The following EFHB variants were observed in gnomAD, a reference collection of about 807,000 sequenced individuals.
The protein encoded by EFHB is EF-hand domain family member B, also known as EF-hand domain-containing family member B.
In EFHB, 91 loss-of-function variants were observed where a neutral mutation model predicts 87.2. The observed-to-expected ratio is 1.04, with a 90% CI of 0.88 to 1.24. The LOEUF is 1.24. Among genes scored for constraint, EFHB ranks in the 50% most tolerant of loss-of-function variants. The pLI is 0.00. For missense variants in EFHB, 1,084 were observed against 998.8 expected, an observed-to-expected ratio of 1.09 and a Z score of -1.15; for synonymous variants, 325 against 333.6, an observed-to-expected ratio of 0.97 and a Z score of 0.28.
intron 9 of EFHB, among the ~76,000 whole-genome samples, chr3:19,895,287 C>T (rs546496884): frequency 1.8e-4 from 27 of 151,684 alleles, no homozygotes; most frequent in African/African-American, 6.5e-4. Flanking sequence ...CGAGACCATC[C>T]TGGCTAACAC....
chr3:19,885,152 G>T lies in EFHB; in HGVS notation c.1934-537C>A, dbSNP rs147321841. On this transcript the variant is annotated intron_variant, in intron 10 of 12. Transcript: ENST00000295824. Reference sequence around the variant, plus strand: ...CAGGAGAATCACTTGAATCAGGGAGGCAATGGTTGCAGTGAGCCGAGATCG... The same window carrying T: ...CAGGAGAATCACTTGAATCAGGGAGTCAATGGTTGCAGTGAGCCGAGATCG... Among the ~76,000 whole-genome samples the T allele has an allele frequency of 2.4e-4, 37 of 151,376 alleles. No homozygotes were observed. In the East Asian group the frequency reaches 6.4e-3, roughly 26 times the overall value.
At chr3:19,929,156 C>T (rs1695736100) in intron 1 of EFHB, among the ~76,000 whole-genome samples, 1 of 151,836 alleles carries the variant, frequency 6.6e-6, no homozygotes, top group African/African-American at 2.4e-5. Context: ...TCTGCTGAAA[C>T]TCTATCCTTA....
At chr3:19,936,486 C>A (rs1411969652), upstream of EFHB, among the ~76,000 whole-genome samples, 1 of 151,928 alleles carries the variant, frequency 6.6e-6, no homozygotes, top group Non-Finnish European at 1.5e-5. Flanking sequence ...ATCACTTGAG[C>A]CCAGGAATTG....
intron 6 of EFHB, among the ~76,000 whole-genome samples, chr3:19,900,455 A>G (rs1694632801): frequency 6.6e-6 from 1 of 152,202 alleles, no homozygotes; most frequent in Non-Finnish European, 1.5e-5. Flanking sequence ...ATGGAGAGAG[A>G]AAGAATATCT....
chr3:19,926,819 C>T (rs1476071280), intron 1 of EFHB, among the ~76,000 whole-genome samples: 3 of 151,878 alleles, frequency 2.0e-5, no homozygotes, highest in African/African-American at 4.8e-5. Flanking sequence ...TGTCACCACA[C>T]CCGGCTAATT....
Position 19,942,665 on chromosome 3 carries a change from G to C in EFHB, c.-32+4254C>G, listed in dbSNP as rs373364438. Among the ~76,000 whole-genome samples, 64 of 152,278 alleles carry C rather than the reference G, an allele frequency of 4.2e-4. 1 individual carries two copies. Among genetic ancestry groups the C allele is most frequent in the African/African-American group, 1.5e-3 (62 of 41,552 alleles). On this transcript the variant is annotated intron_variant, in intron 1 of 14. Transcript: ENST00000344838. ...CCCTGAACTTGTTTTCCTGCCACTA[G>C]ACGGTCCCATCTGGAGGTGATGGAA... is the stretch of plus-strand genomic sequence containing the variant.
At position 19,899,558 on chromosome 3, in the gene EFHB, T is replaced by A. The variant is rs368691704; in HGVS notation, c.1419-43A>T. ...TATCAGGTATCTCTATTACCTAAAG[T>A]ATTCTTGGCTGCCAAATATACATAA... On this transcript the variant is annotated intron_variant, in intron 6 of 12. Transcript: ENST00000295824. The A allele has an allele frequency of 2.1e-5, 30 of 1,460,746 alleles. No homozygotes were observed. The African/African-American group carries it at 4.0e-4, about 19-fold the overall frequency. The allele number at this position is 1,460,746 out of a possible 1,614,324, so 90.5% of individuals were successfully genotyped here. A position where few individuals can be genotyped will look rare whatever the true frequency, so the allele number is the denominator to read the frequency against.
chr3:19,918,837 G>A lies in EFHB; in HGVS notation c.997-425C>T, dbSNP rs539583519. On this transcript the variant is annotated intron_variant, in intron 3 of 12. Transcript: ENST00000295824. ...TAAAAAAAAAAAAAAAAAATTAGCC[G>A]GGTGTGCTGGCACACGCCTGTAGTC... Among the ~76,000 whole-genome samples the A allele has an allele frequency of 2.7e-4, 41 of 150,704 alleles. 1 individual carries two copies. The highest frequency in any genetic ancestry group is 9.2e-4 in the African/African-American group (38 of 41,176).
chr3:19,884,871 A>G (rs751406510), intron 10 of EFHB, among the ~76,000 whole-genome samples: 1 of 151,452 alleles, frequency 6.6e-6, no homozygotes, highest in Non-Finnish European at 1.5e-5. Flanking sequence ...GCTTTGAAAT[A>G]TGAGAGACCA....
intron 6 of EFHB, 41 bp downstream of exon 6, chr3:19,905,579 T>G (rs1459649847): frequency 1.3e-6 from 2 of 1,572,714 alleles, no homozygotes; most frequent in Admixed American, 3.6e-5. Context: ...TAAGTCCAAA[T>G]GTCTAACACT....
chr3:19,934,246 C>T (rs1351279033), upstream of EFHB: 10 of 1,420,034 alleles, frequency 7.0e-6, no homozygotes, highest in Non-Finnish European at 9.2e-6. Context: ...GAAACAGGGG[C>T]GGGGCTTGGC....
In EFHB at chr3:19,898,889, G is replaced by A. The variant is rs770309708; in HGVS notation, c.1503-44C>T. 3.2e-6 allele frequency: 5 copies of A among 1,574,844 alleles called. No homozygotes were observed. In the South Asian group the frequency reaches 4.5e-5, roughly 14 times the overall value. On this transcript the variant is annotated intron_variant, in intron 7 of 12. Coordinates refer to ENST00000295824, the MANE Select transcript of EFHB (RefSeq NM_144715.4). Reference sequence around the variant, plus strand: ...CCTTAGTTAAAATACCCACCACATGGCATCTCTGGAATTTAAAATATGTTT... The same window carrying A: ...CCTTAGTTAAAATACCCACCACATGACATCTCTGGAATTTAAAATATGTTT...
At chr3:19,926,337 G>GT (rs58986216) in intron 1 of EFHB, among the ~76,000 whole-genome samples, 20,303 of 151,802 alleles carry the variant, frequency 0.13, 1,679 homozygotes, top group Non-Finnish European at 0.19. Context: ...TTTTTTTGGG[G>GT]TTTTTTTTGT....
At chr3:19,933,166 A>G in intron 1 of EFHB, 64 bp downstream of exon 1, 1 of 1,482,538 alleles carries the variant, frequency 6.7e-7, no homozygotes, top group Non-Finnish European at 9.0e-7. Context: ...TTATCACTTT[A>G]TCATCTCAAT....
intron 1 of EFHB, among the ~76,000 whole-genome samples, chr3:19,943,828 G>C (rs1246858257): frequency 6.6e-6 from 1 of 152,198 alleles, no homozygotes; most frequent in Non-Finnish European, 1.5e-5. Context: ...TTATATTCTA[G>C]TAGGGATAGA....
upstream of EFHB, chr3:19,936,306 C>T (rs1696019323): frequency 3.4e-6 from 2 of 583,258 alleles, no homozygotes; most frequent in Non-Finnish European, 6.2e-6. Flanking sequence ...GCCATCATTG[C>T]ACCATTGCAT....
At chr3:19,916,487 C>T (rs557929589) in intron 4 of EFHB, among the ~76,000 whole-genome samples, 2 of 151,884 alleles carry the variant, frequency 1.3e-5, no homozygotes. Flanking sequence ...TGCACTCCAG[C>T]CTGGGCAACA....
At chr3:19,888,403 T>TA in intron 10 of EFHB, 41 bp downstream of exon 10, 3 of 1,171,400 alleles carry the variant, frequency 2.6e-6, no homozygotes, top group Non-Finnish European at 2.2e-6. Context: ...TTTTAAAATT[T>TA]AAAAAAATAA....
At chr3:19,908,592 G>GAC (rs1559459713) in intron 5 of EFHB, among the ~76,000 whole-genome samples, 1 of 109,326 alleles carries the variant, frequency 9.1e-6, no homozygotes, top group Non-Finnish European at 1.8e-5. Flanking sequence ...GAGAGAGAGA[G>GAC]AGAGAGAGAA....
Sources: allele counts gnomAD v4.1 joint callset (sites outside exome capture counted in the v4.1 genomes callset), GRCh38; gene constraint gnomAD v4.1.1; transcripts MANE v1.5; gene names NCBI Gene and HGNC (gene_info 2026-07-23, HGNC 2026-07-21).